C12orf54: variants seen among roughly 807,000 people sequenced by gnomAD.
The protein encoded by C12orf54 is uncharacterized protein C12orf54.
Under a neutral mutation model 26.4 loss-of-function variants are expected in C12orf54, and 24 were observed. The ratio of observed to expected loss-of-function variants is 0.91; its 90% confidence interval spans 0.66 to 1.28. The LOEUF (loss-of-function observed/expected upper bound fraction) is 1.28. C12orf54 is among the 50% of genes most tolerant of loss of function. The probability of loss-of-function intolerance (pLI) is 0.00; values close to 1 mark genes in which losing one functional copy is unlikely to be tolerated. For missense variants in C12orf54, 154 were observed against 150.9 expected (o/e 1.02, Z -0.11); for synonymous variants, 54 against 47.0 (o/e 1.15, Z -0.61).
chr12:48,437,260 T>C, the C12orf54 span, among the ~76,000 whole-genome samples: 1 of 152,244 alleles, frequency 6.6e-6, no homozygotes, highest in Middle Eastern at 3.4e-3. Flanking sequence ...CAATAATTAA[T>C]AGCTTACCAA....
At chr12:48,419,099 C>T in the C12orf54 span, among the ~76,000 whole-genome samples, 4 of 152,130 alleles carry the variant, frequency 2.6e-5, no homozygotes, top group Admixed American at 1.3e-4. Flanking sequence ...CTCAAATTAC[C>T]TTCTTAATGT....
At chr12:48,415,334 C>T in the C12orf54 span, among the ~76,000 whole-genome samples, 1 of 152,222 alleles carries the variant, frequency 6.6e-6, no homozygotes, top group South Asian at 2.1e-4. Context: ...AAGTTAACTG[C>T]GGTTGATCGC....
rs756359727 is a variant in C12orf54, at chr12:48,490,808, T to G, written c.169-4T>G. On this transcript the variant is annotated splice_region_variant and splice_polypyrimidine_tract_variant and intron_variant, in intron 5 of 8. Transcript: ENST00000548364. ...TCTCTGACTGTATTCTCATTATTTT[T>G]CAGCTGCAGGAAGATGCTCGGATTC... is the stretch of plus-strand genomic sequence containing the variant. 8 of 1,613,616 alleles carry G rather than the reference T, an allele frequency of 5.0e-6. No homozygotes were observed. The highest frequency in any genetic ancestry group is 2.5e-6 in the Non-Finnish European group (3 of 1,179,582).
At chr12:48,443,423 A>C in the C12orf54 span, among the ~76,000 whole-genome samples, 2 of 152,096 alleles carry the variant, frequency 1.3e-5, no homozygotes, top group Non-Finnish European at 2.9e-5. Flanking sequence ...GGAGGAAGCA[A>C]TTTCCATCCA....
chr12:48,494,682 C>T, intron 7 of C12orf54, 116 bp from the exon 8 acceptor site: 3 of 1,130,364 alleles, frequency 2.7e-6, no homozygotes, highest in Non-Finnish European at 3.8e-6. Flanking sequence ...GCCTGAGATG[C>T]CCATTCTTGG....
chr12:48,461,776 T>C, the C12orf54 span, among the ~76,000 whole-genome samples: 229 of 151,970 alleles, frequency 1.5e-3, no homozygotes, highest in Middle Eastern at 3.4e-3. Flanking sequence ...TAGGATTAAA[T>C]GTCTGCATAA....
At chr12:48,476,323 A>G in the C12orf54 span, among the ~76,000 whole-genome samples, 1 of 152,364 alleles carries the variant, frequency 6.6e-6, no homozygotes. Flanking sequence ...CAGGCTAGGA[A>G]GAAACTGCAT....
chr12:48,474,437 G>A, the C12orf54 span, among the ~76,000 whole-genome samples: 1 of 152,320 alleles, frequency 6.6e-6, no homozygotes, highest in South Asian at 2.1e-4. Context: ...CCGAAGCAGG[G>A]CGAGGCATCA....
chr12:48,491,495 A>T (rs981324741), intron 6 of C12orf54, among the ~76,000 whole-genome samples: 4 of 151,848 alleles, frequency 2.6e-5, no homozygotes, highest in African/African-American at 9.7e-5. Flanking sequence ...GGGATGGAAG[A>T]CTCTTTTTCT....
the C12orf54 span, among the ~76,000 whole-genome samples, chr12:48,438,337 T>A: frequency 6.6e-6 from 1 of 152,194 alleles, no homozygotes; most frequent in Admixed American, 6.5e-5. Context: ...CCCAAGATAA[T>A]TTATAGATTC....
At chr12:48,457,124 A>G in the C12orf54 span, among the ~76,000 whole-genome samples, 1 of 152,026 alleles carries the variant, frequency 6.6e-6, no homozygotes, top group African/African-American at 2.4e-5. Context: ...TCCCCAGCAC[A>G]TCGTGGGTAA....
chr12:48,434,564 C>T, the C12orf54 span, among the ~76,000 whole-genome samples: 1 of 152,204 alleles, frequency 6.6e-6, no homozygotes, highest in African/African-American at 2.4e-5. Flanking sequence ...TGAAACAAAA[C>T]TTCCAGAGGA....
chr12:48,473,015 C>T, the C12orf54 span: 16 of 1,614,104 alleles, frequency 9.9e-6, no homozygotes, highest in South Asian at 1.3e-4. Context: ...ACCTCGAGAG[C>T]TTAGACCTTT....
chr12:48,457,288 TGGTGGTGGTGG>T, the C12orf54 span, among the ~76,000 whole-genome samples: 1 of 82,756 alleles, frequency 1.2e-5, no homozygotes, highest in African/African-American at 2.9e-5. Flanking sequence ...TTGTTGTTGG[TGGTGGTGGTGG>T]TGGTGGTGGT....
the C12orf54 span, among the ~76,000 whole-genome samples, chr12:48,417,554 A>G: frequency 6.6e-6 from 1 of 152,118 alleles, no homozygotes; most frequent in Non-Finnish European, 1.5e-5. Context: ...GTCTGATGCC[A>G]TTAGGTCTTT....
chr12:48,456,429 G>A, the C12orf54 span, among the ~76,000 whole-genome samples: 1 of 152,176 alleles, frequency 6.6e-6, no homozygotes, highest in Middle Eastern at 3.2e-3. Flanking sequence ...AGAGAAGCAA[G>A]TCTTAGAACG....
intron 1 of C12orf54, 72 bp from the exon 2 acceptor site, chr12:48,483,168 T>G (rs189247124): frequency 1.4e-6 from 1 of 710,008 alleles, no homozygotes; most frequent in Non-Finnish European, 2.4e-6. Context: ...TGCTGGTAGT[T>G]CTCCACTGAA....
the C12orf54 span, chr12:48,443,033 CT>C: frequency 3.9e-5 from 6 of 152,176 alleles, no homozygotes; most frequent in Non-Finnish European, 1.5e-5. Context: ...TGTTTTAACC[CT>C]CTTCTCTATT....
the C12orf54 span, among the ~76,000 whole-genome samples, chr12:48,470,392 T>A: frequency 6.6e-6 from 1 of 152,220 alleles, no homozygotes; most frequent in African/African-American, 2.4e-5. Flanking sequence ...CCATTCCAAC[T>A]GGTGGAAGAT....
Sources: allele counts gnomAD v4.1 joint callset (sites outside exome capture counted in the v4.1 genomes callset), GRCh38; gene constraint gnomAD v4.1.1; transcripts MANE v1.5; gene names NCBI Gene and HGNC (gene_info 2026-07-23, HGNC 2026-07-21).